Variants in BCAS3 observed in about 807,000 individuals in gnomAD.
BCAS3 encodes the protein BCAS4/BCAS3 fusion.
In BCAS3, 53 loss-of-function variants were observed where a neutral mutation model predicts 116.1. The observed-to-expected ratio is 0.46, with a 90% CI of 0.37 to 0.57. The LOEUF (loss-of-function observed/expected upper bound fraction) is 0.57. BCAS3 is among the 20% of genes least tolerant of loss of function. BCAS3 has a pLI of 0.00. For missense variants in BCAS3, 917 were observed against 1,165.4 expected (o/e 0.79, Z 3.10); for synonymous variants, 391 against 408.2 (o/e 0.96, Z 0.51).
rs184870410 is a variant in BCAS3, at chr17:61,265,083, G to T, written c.2426-103244G>T. 6.6e-6 allele frequency among the ~76,000 whole-genome samples: 1 copy of T among 152,214 alleles called. No individual in the cohort carries two copies. The highest frequency in any genetic ancestry group is 1.9e-4 in the East Asian group (1 of 5,180). On this transcript the variant is annotated intron_variant, in intron 22 of 23. Coordinates refer to ENST00000407086, the MANE Select transcript of BCAS3 (RefSeq NM_017679.5). This position sits in a 1 kb window ranked among gnomAD's most constrained non-coding sequence, Gnocchi z 4.3. ...TATTTAACATTAGTTACCTCACCGG[G>T]TTAGTTTGACAATTACATGGAGTAC...
At chr17:60,831,876 A>T (rs954211565) in intron 7 of BCAS3, among the ~76,000 whole-genome samples, 25 of 152,080 alleles carry the variant, frequency 1.6e-4, no homozygotes, top group African/African-American at 5.3e-4. Context: ...TGTCATTTTT[A>T]ATTTTTTGAT....
At chr17:60,997,613 G>A (rs979822493) in intron 15 of BCAS3, among the ~76,000 whole-genome samples, 7 of 152,096 alleles carry the variant, frequency 4.6e-5, no homozygotes, top group South Asian at 2.1e-4. Context: ...ATCTTCCACC[G>A]TTATTTGTGC....
Position 60,767,643 on chromosome 17 carries a change from A to G in BCAS3, c.403+20364A>G, listed in dbSNP as rs540880474. 7.2e-4 allele frequency among the ~76,000 whole-genome samples: 110 copies of G among 152,174 alleles called. 1 individual carries two copies. The highest frequency in any genetic ancestry group is 2.7e-3 in the Admixed American group (42 of 15,286). ...ATTACAGATGTGAGCCACTGTGCCC[A>G]GCCATGAATCTTTTTTTATTGGACT... On this transcript the variant is annotated intron_variant, in intron 6 of 23. Transcript: ENST00000407086.
rs1387176720 is a variant in BCAS3, at chr17:61,188,585, C to G, written c.2425+104021C>G. Among the ~76,000 whole-genome samples the G allele has an allele frequency of 6.6e-6, 1 of 152,170 alleles. No homozygotes were observed. The highest frequency in any genetic ancestry group is 1.5e-5 in the Non-Finnish European group (1 of 68,020). On this transcript the variant is annotated intron_variant, in intron 22 of 23. Coordinates refer to ENST00000407086, the MANE Select transcript of BCAS3 (RefSeq NM_017679.5). This position sits in a 1 kb window ranked among gnomAD's most constrained non-coding sequence, Gnocchi z 4.0. ...GTTATTGGTGATTCTCTTTCTTTTT[C>G]TCTAAACCTTAGCAGTAGGTCTTAG...
At position 61,366,332 on chromosome 17, in the gene BCAS3, C is replaced by T. The variant is rs1057311180; in HGVS notation, c.2426-1995C>T. 6.6e-6 allele frequency among the ~76,000 whole-genome samples: 1 copy of T among 152,160 alleles called. No individual in the cohort carries two copies. The highest frequency in any genetic ancestry group is 1.5e-5 in the Non-Finnish European group (1 of 68,032). On this transcript the variant is annotated intron_variant, in intron 22 of 23. Coordinates refer to ENST00000407086, the MANE Select transcript of BCAS3 (RefSeq NM_017679.5). This position sits in a 1 kb window ranked among gnomAD's most constrained non-coding sequence, Gnocchi z 4.5. Reference sequence around the variant, plus strand: ...GGGGACTTTGCTTAATCTCTTCACTCCTGTGAGACAGGGCAAAGGGTTATT... The same window carrying T: ...GGGGACTTTGCTTAATCTCTTCACTTCTGTGAGACAGGGCAAAGGGTTATT...
chr17:61,370,390 C>A (rs1027822219), intron 23 of BCAS3, among the ~76,000 whole-genome samples: 3 of 144,322 alleles, frequency 2.1e-5, no homozygotes, highest in Admixed American at 2.0e-4. Context: ...AAAACTTGTT[C>A]TTTTTTTGTT....
intron 22 of BCAS3, among the ~76,000 whole-genome samples, chr17:61,237,950 C>T (rs1032945006): frequency 1.3e-5 from 2 of 152,156 alleles, no homozygotes; most frequent in East Asian, 1.9e-4. Flanking sequence ...AAGAGAATTG[C>T]TTTACAGGGG....
intron 7 of BCAS3, among the ~76,000 whole-genome samples, chr17:60,839,890 G>A (rs1251181804): frequency 6.6e-6 from 1 of 151,966 alleles, no homozygotes; most frequent in African/African-American, 2.4e-5. Flanking sequence ...CAAATACTTT[G>A]TTCCGCTTTT....
chr17:60,794,181 TG>T (rs1555719455), intron 6 of BCAS3, among the ~76,000 whole-genome samples: 1 of 152,254 alleles, frequency 6.6e-6, no homozygotes, highest in Non-Finnish European at 1.5e-5. Context: ...TTTTTTCATA[TG>T]TTTTTTGGTC....
At chr17:61,175,752 C>A (rs1308235911) in intron 22 of BCAS3, among the ~76,000 whole-genome samples, 23 of 152,036 alleles carry the variant, frequency 1.5e-4, no homozygotes, top group Admixed American at 1.5e-3. Context: ...TTTCCGCTCA[C>A]CCAACTGATA....
intron 22 of BCAS3, among the ~76,000 whole-genome samples, chr17:61,296,042 A>G (rs2052875307): frequency 6.6e-6 from 1 of 152,180 alleles, no homozygotes; most frequent in African/African-American, 2.4e-5. Flanking sequence ...CATCAGCCCA[A>G]AAGGGATATG....
At chr17:60,871,810 A>G (rs2055130240) in intron 8 of BCAS3, among the ~76,000 whole-genome samples, 1 of 151,536 alleles carries the variant, frequency 6.6e-6, no homozygotes, top group Non-Finnish European at 1.5e-5. Flanking sequence ...TTCATGAGGG[A>G]GATTCATGTA....
At chr17:60,856,683 T>A (rs2053702546) in intron 7 of BCAS3, among the ~76,000 whole-genome samples, 2 of 152,030 alleles carry the variant, frequency 1.3e-5, no homozygotes, top group African/African-American at 2.4e-5. Context: ...ACAGCCAGAC[T>A]GTCTCCAAAA....
chr17:61,109,003 T>C (rs967369548), intron 22 of BCAS3, among the ~76,000 whole-genome samples: 10 of 151,984 alleles, frequency 6.6e-5, no homozygotes, highest in Non-Finnish European at 1.3e-4. Flanking sequence ...CTGGCCAACA[T>C]GGTGAAACCC....
chr17:61,051,710 G>A lies in BCAS3; in HGVS notation c.2029+10818G>A, dbSNP rs750676941. The stretch of plus-strand genomic sequence containing the variant: ...ACTCCTGAACTTGAGTGATCCTCCT[G>A]CCTCAGCCTCCTGAGTACCTGGGAC... On this transcript the variant is annotated intron_variant, in intron 19 of 23. Coordinates refer to ENST00000407086, the MANE Select transcript of BCAS3 (RefSeq NM_017679.5). This position sits in a 1 kb window ranked among gnomAD's most constrained non-coding sequence, Gnocchi z 4.1. Among the ~76,000 whole-genome samples the A allele has an allele frequency of 1.3e-5, 2 of 152,134 alleles. No homozygotes were observed. The highest frequency in any genetic ancestry group is 6.6e-5 in the Admixed American group (1 of 15,262).
chr17:61,375,847 A>G (rs1258249979), intron 23 of BCAS3, among the ~76,000 whole-genome samples: 1 of 152,198 alleles, frequency 6.6e-6, no homozygotes, highest in Admixed American at 6.5e-5. Context: ...TGCTGGGATT[A>G]CATGCATGAG....
At chr17:60,891,112 A>G (rs920532528) in intron 10 of BCAS3, among the ~76,000 whole-genome samples, 2 of 152,138 alleles carry the variant, frequency 1.3e-5, no homozygotes, top group Non-Finnish European at 2.9e-5. Flanking sequence ...ATTCTTTTCA[A>G]ACAAAACAAG....
Position 61,144,868 on chromosome 17 carries a change from A to G in BCAS3, c.2425+60304A>G, listed in dbSNP as rs1422895929. Among the ~76,000 whole-genome samples the G allele has an allele frequency of 6.6e-6, 1 of 152,244 alleles. No homozygotes were observed. Among genetic ancestry groups the G allele is most frequent in the Non-Finnish European group, 1.5e-5 (1 of 68,044 alleles). On this transcript the variant is annotated intron_variant, in intron 22 of 23. Transcript: ENST00000407086. This position sits in a 1 kb window ranked among gnomAD's most constrained non-coding sequence, Gnocchi z 5.0. Reference sequence around the variant, plus strand: ...ATGATGCTGCTAAGATTCGCAGATTAAGATCATTATAGCATTTGAGTAGGC... The same window carrying G: ...ATGATGCTGCTAAGATTCGCAGATTGAGATCATTATAGCATTTGAGTAGGC...
At chr17:60,730,630 G>A (rs76643763) in intron 5 of BCAS3, among the ~76,000 whole-genome samples, 4,836 of 152,146 alleles carry the variant, frequency 0.032, 243 homozygotes, top group African/African-American at 0.11. Flanking sequence ...CAAAAGGACT[G>A]CTCTTTACTA....
Sources: allele counts gnomAD v4.1 joint callset (sites outside exome capture counted in the v4.1 genomes callset), GRCh38; gene constraint gnomAD v4.1.1; non-coding constraint Gnocchi (gnomAD v3.1); transcripts MANE v1.5; gene names NCBI Gene and HGNC (gene_info 2026-07-23, HGNC 2026-07-21).